Variants in HS6ST3 observed in about 807,000 individuals in gnomAD.
HS6ST3 encodes the protein heparan-sulfate 6-O-sulfotransferase 3.
HS6ST3 carries 12 observed loss-of-function variants against 36.7 expected under a neutral mutation model. That is an observed-to-expected ratio of 0.33 (90% CI 0.21 to 0.53). The LOEUF is 0.53. HS6ST3 is among the 20% of genes least tolerant of loss of function. The pLI, the probability that HS6ST3 is intolerant of heterozygous loss-of-function variation, is 0.95. For missense variants in HS6ST3, 584 were observed against 640.9 expected (o/e 0.91, Z 0.96); for synonymous variants, 240 against 257.5 (o/e 0.93, Z 0.65).
At chr13:96,366,797 G>T (rs1382335621) in intron 1 of HS6ST3, among the ~76,000 whole-genome samples, 1 of 152,152 alleles carries the variant, frequency 6.6e-6, no homozygotes, top group Non-Finnish European at 1.5e-5. Context: ...TAATCTCCAT[G>T]TGTCAAGGGT....
chr13:96,371,998 T>G (rs958765036), intron 1 of HS6ST3, among the ~76,000 whole-genome samples: 1 of 152,198 alleles, frequency 6.6e-6, no homozygotes, highest in African/African-American at 2.4e-5. Context: ...TGGATATGTA[T>G]CCGGGGTGGG....
intron 1 of HS6ST3, among the ~76,000 whole-genome samples, chr13:96,578,418 T>C (rs964114339): frequency 3.3e-5 from 5 of 152,180 alleles, no homozygotes; most frequent in Admixed American, 1.3e-4. Flanking sequence ...TTCCACACAC[T>C]TGACGAAGGC....
intron 1 of HS6ST3, among the ~76,000 whole-genome samples, chr13:96,831,511 G>T (rs1311813678): frequency 6.6e-6 from 1 of 152,126 alleles, no homozygotes; most frequent in Non-Finnish European, 1.5e-5. Flanking sequence ...ATTTTACAAA[G>T]TTGTCTTGAG....
chr13:96,303,234 T>G (rs369204406), intron 1 of HS6ST3, among the ~76,000 whole-genome samples: 13 of 152,330 alleles, frequency 8.5e-5, no homozygotes, highest in East Asian at 5.8e-4. Context: ...TTTAATAATT[T>G]TGTGAATATT....
At chr13:96,720,579 T>A (rs1293571157) in intron 1 of HS6ST3, among the ~76,000 whole-genome samples, 1 of 152,194 alleles carries the variant, frequency 6.6e-6, no homozygotes, top group Non-Finnish European at 1.5e-5. Context: ...AGCCAGCATA[T>A]CTGGTTAGCT....
chr13:96,363,376 C>G (rs2055248659), intron 1 of HS6ST3, among the ~76,000 whole-genome samples: 1 of 151,626 alleles, frequency 6.6e-6, no homozygotes, highest in Non-Finnish European at 1.5e-5. Context: ...AGAAGTGGCA[C>G]ACATCATTTC....
chr13:96,317,358 A>AAAAT (rs1301346102), intron 1 of HS6ST3, among the ~76,000 whole-genome samples: 7 of 31,860 alleles, frequency 2.2e-4, no homozygotes, highest in African/African-American at 7.1e-4. Context: ...ATATATATAT[A>AAAAT]TATATATATA....
chr13:96,329,869 TA>T (rs1475487625), intron 1 of HS6ST3, among the ~76,000 whole-genome samples: 1 of 136,344 alleles, frequency 7.3e-6, no homozygotes, highest in African/African-American at 2.8e-5. Flanking sequence ...GGTGCTCCTG[TA>T]TTGGGTGCAT....
chr13:96,293,745 A>G (rs974137151), intron 1 of HS6ST3, among the ~76,000 whole-genome samples: 2 of 152,146 alleles, frequency 1.3e-5, no homozygotes, highest in Admixed American at 1.3e-4. Flanking sequence ...TCTGGAGCAT[A>G]TTGGTAAGAG....
chr13:96,215,956 T>C (rs2054423839), intron 1 of HS6ST3, among the ~76,000 whole-genome samples: 1 of 152,176 alleles, frequency 6.6e-6, no homozygotes, highest in African/African-American at 2.4e-5. Context: ...TATCAACCTA[T>C]TTATGGGAGG....
At chr13:96,254,043 T>G (rs1346212086) in intron 1 of HS6ST3, among the ~76,000 whole-genome samples, 1 of 152,132 alleles carries the variant, frequency 6.6e-6, no homozygotes, top group Non-Finnish European at 1.5e-5. Flanking sequence ...ATTCCAATAT[T>G]TGGAGTACAG....
At chr13:96,417,078 A>G (rs2055537391) in intron 1 of HS6ST3, among the ~76,000 whole-genome samples, 1 of 152,206 alleles carries the variant, frequency 6.6e-6, no homozygotes, top group Non-Finnish European at 1.5e-5. Context: ...CGCTGCCAGC[A>G]CACGTTCAGA....
chr13:96,656,487 T>G (rs556725905), intron 1 of HS6ST3, among the ~76,000 whole-genome samples: 73 of 152,306 alleles, frequency 4.8e-4, no homozygotes, highest in African/African-American at 1.7e-3. Context: ...TGGAACTAAT[T>G]CTGACCACAT....
intron 1 of HS6ST3, among the ~76,000 whole-genome samples, chr13:96,192,591 C>T (rs1413735996): frequency 9.1e-6 from 1 of 109,296 alleles, no homozygotes; most frequent in Non-Finnish European, 1.8e-5. Flanking sequence ...TGTGTATATT[C>T]CATGGGATGG....
rs117988343 is a variant in HS6ST3, at chr13:96,638,760, A to T, written c.708-193730A>T. On this transcript the variant is annotated intron_variant, in intron 1 of 1. Coordinates refer to ENST00000376705, the MANE Select transcript of HS6ST3 (RefSeq NM_153456.4). The stretch of plus-strand genomic sequence containing the variant: ...GTCAATTAAACCTCTTTTTTAAAAT[A>T]AATTACCCAGTCTTGGGTATGTCCT... Among the ~76,000 whole-genome samples, 297 of 152,128 alleles carry T rather than the reference A, an allele frequency of 2.0e-3. 7 individuals carry two copies. In the East Asian group the frequency reaches 0.05, roughly 26 times the overall value.
At chr13:96,532,434 G>C (rs1428793103) in intron 1 of HS6ST3, among the ~76,000 whole-genome samples, 1 of 152,208 alleles carries the variant, frequency 6.6e-6, no homozygotes, top group Admixed American at 6.5e-5. Context: ...AAACACTTGA[G>C]GTCTGGGGGT....
intron 1 of HS6ST3, among the ~76,000 whole-genome samples, chr13:96,468,034 A>G (rs2055822773): frequency 6.6e-6 from 1 of 152,072 alleles, no homozygotes; most frequent in Non-Finnish European, 1.5e-5. Flanking sequence ...TCCTGGGGGG[A>G]AGTATTCAGT....
Position 96,688,994 on chromosome 13 carries a change from G to A in HS6ST3, c.708-143496G>A, listed in dbSNP as rs72643899. On this transcript the variant is annotated intron_variant, in intron 1 of 1. Coordinates refer to ENST00000376705, the MANE Select transcript of HS6ST3 (RefSeq NM_153456.4). Reference sequence around the variant, plus strand: ...CCATCTTTGGAGTACCTATTATTTGGGTCTTCTGCTAGGGGCTTGCATTTG... The same window carrying A: ...CCATCTTTGGAGTACCTATTATTTGAGTCTTCTGCTAGGGGCTTGCATTTG... 4.0e-3 allele frequency among the ~76,000 whole-genome samples: 604 copies of A among 152,022 alleles called. 6 individuals are homozygous for A. Among genetic ancestry groups the A allele is most frequent in the Admixed American group, 7.4e-3 (113 of 15,210 alleles).
intron 1 of HS6ST3, among the ~76,000 whole-genome samples, chr13:96,372,324 C>CT (rs563989595): frequency 3.2e-4 from 49 of 152,070 alleles, no homozygotes; most frequent in African/African-American, 1.0e-3. Context: ...TATAATAGGG[C>CT]TTTTTTTGTT....
Sources: gnomAD v4.1 joint callset for allele counts (sites outside exome capture counted in the v4.1 genomes callset) on GRCh38, gnomAD v4.1.1 for gene constraint, MANE v1.5 for transcripts, NCBI Gene and HGNC (gene_info 2026-07-23, HGNC 2026-07-21) for gene names.